The following WWOX variants were observed in gnomAD, a reference collection of about 807,000 sequenced individuals.
The protein encoded by WWOX is WW domain containing oxidoreductase.
WWOX carries 69 observed loss-of-function variants against 46.2 expected under a neutral mutation model. The ratio of observed to expected loss-of-function variants is 1.49; its 90% confidence interval spans 1.23 to 1.82. WWOX has a LOEUF of 1.82. Ranked by LOEUF, WWOX falls within the 40% of genes most tolerant of loss-of-function variation. The pLI, the probability that WWOX is intolerant of heterozygous loss-of-function variation, is 0.00. For synonymous variants in WWOX, 359 were observed against 202.6 expected (o/e 1.77, Z -6.56); for missense variants, 919 against 542.6 (o/e 1.69, Z -6.89).
intron 8 of WWOX, among the ~76,000 whole-genome samples, chr16:78,748,715 C>G (rs960644093): frequency 1.2e-4 from 18 of 152,150 alleles, no homozygotes; most frequent in African/African-American, 4.1e-4. Context: ...CAAAGGGTTC[C>G]CTCATTCCCT....
intron 8 of WWOX, among the ~76,000 whole-genome samples, chr16:79,013,258 C>T (rs1384861471): frequency 2.6e-5 from 4 of 152,174 alleles, no homozygotes; most frequent in East Asian, 1.9e-4. Context: ...GAGTGAATGC[C>T]TTGCCTTTAA....
chr16:78,321,414 A>C (rs535554715), intron 5 of WWOX, among the ~76,000 whole-genome samples: 1 of 134,190 alleles, frequency 7.5e-6, no homozygotes, highest in African/African-American at 2.9e-5. Flanking sequence ...GTATATATAT[A>C]TGTGTGTATA....
chr16:78,799,905 C>G (rs1473092718), intron 8 of WWOX, among the ~76,000 whole-genome samples: 1 of 152,152 alleles, frequency 6.6e-6, no homozygotes, highest in Non-Finnish European at 1.5e-5. Context: ...ATGTGAATGA[C>G]TACTTTTCCC....
intron 5 of WWOX, among the ~76,000 whole-genome samples, chr16:78,340,022 G>T (rs868194054): frequency 0.031 from 1,482 of 48,170 alleles, 584 homozygotes; most frequent in South Asian, 0.066. Flanking sequence ...TTTGGTGGGG[G>T]GGGGGGGGAC....
chr16:78,250,375 G>GT (rs2037952141), intron 5 of WWOX, among the ~76,000 whole-genome samples: 1 of 151,990 alleles, frequency 6.6e-6, no homozygotes, highest in African/African-American at 2.4e-5. Flanking sequence ...ATCTGCCTTT[G>GT]TTTTTTCCTC....
intron 8 of WWOX, among the ~76,000 whole-genome samples, chr16:78,953,353 G>A (rs1473114582): frequency 6.6e-6 from 1 of 152,050 alleles, no homozygotes; most frequent in African/African-American, 2.4e-5. Flanking sequence ...CTTTTTAAGG[G>A]CTTTGCACAC....
intron 8 of WWOX, among the ~76,000 whole-genome samples, chr16:78,952,945 G>C (rs1209579994): frequency 1.3e-5 from 2 of 152,098 alleles, no homozygotes; most frequent in Non-Finnish European, 2.9e-5. Context: ...AGATGGATGG[G>C]CCAGCAAAGG....
At chr16:79,162,271 G>T (rs1391702582) in intron 8 of WWOX, among the ~76,000 whole-genome samples, 3 of 152,204 alleles carry the variant, frequency 2.0e-5, no homozygotes, top group African/African-American at 7.2e-5. Flanking sequence ...GTCTGCCTCT[G>T]TGACAGATTC....
At chr16:78,458,991 G>C (rs559162411) in intron 8 of WWOX, among the ~76,000 whole-genome samples, 5 of 152,136 alleles carry the variant, frequency 3.3e-5, no homozygotes, top group Non-Finnish European at 5.9e-5. Flanking sequence ...GTTGTCCCAG[G>C]CTAGTTGGTC....
chr16:78,705,354 A>G (rs1228703468), intron 8 of WWOX, among the ~76,000 whole-genome samples: 1 of 152,204 alleles, frequency 6.6e-6, no homozygotes, highest in East Asian at 1.9e-4. Flanking sequence ...AACAACACAA[A>G]ACAACACATA....
chr16:78,584,873 A>G (rs1365659929), intron 8 of WWOX, among the ~76,000 whole-genome samples: 1 of 152,206 alleles, frequency 6.6e-6, no homozygotes, highest in African/African-American at 2.4e-5. Flanking sequence ...TGTAAGCAAT[A>G]TCTCAAAACA....
At chr16:78,824,154 A>G (rs2051583694) in intron 8 of WWOX, among the ~76,000 whole-genome samples, 1 of 152,148 alleles carries the variant, frequency 6.6e-6, no homozygotes, top group South Asian at 2.1e-4. Context: ...TTTGATTTTA[A>G]ACGATCTTTA....
chr16:78,978,219 C>T (rs2046611582), intron 8 of WWOX, among the ~76,000 whole-genome samples: 2 of 152,200 alleles, frequency 1.3e-5, no homozygotes, highest in Non-Finnish European at 1.5e-5. Flanking sequence ...ATTGATACCA[C>T]AGTTGGTTGA....
chr16:79,032,175 G>A (rs887769775), intron 8 of WWOX, among the ~76,000 whole-genome samples: 6 of 144,678 alleles, frequency 4.1e-5, no homozygotes, highest in African/African-American at 1.5e-4. Flanking sequence ...GTTTTCCTTT[G>A]TCATTGCCCC....
chr16:78,758,888 C>CT (rs969367578), intron 8 of WWOX, among the ~76,000 whole-genome samples: 1 of 150,490 alleles, frequency 6.6e-6, no homozygotes, highest in African/African-American at 2.4e-5. Flanking sequence ...AGAGAATCTT[C>CT]TTCCCAAGCC....
At chr16:78,316,379 C>A (rs868694694) in intron 5 of WWOX, among the ~76,000 whole-genome samples, 6 of 152,124 alleles carry the variant, frequency 3.9e-5, no homozygotes, top group African/African-American at 1.4e-4. Flanking sequence ...TTGCTCTTGT[C>A]ACCTGGGCTG....
intron 8 of WWOX, among the ~76,000 whole-genome samples, chr16:78,580,455 GGAGCTGAGTCTTTCATCAAAAACAA>G (rs1250437619): frequency 6.6e-6 from 1 of 152,188 alleles, no homozygotes; most frequent in Non-Finnish European, 1.5e-5. Flanking sequence ...ACCTTGTTGT[GGAGCTGAGTCTTTCATCAAAAACAA>G]GGACTCCTGG....
chr16:78,923,581 G>C (rs2045429028), intron 8 of WWOX, among the ~76,000 whole-genome samples: 1 of 151,972 alleles, frequency 6.6e-6, no homozygotes, highest in Non-Finnish European at 1.5e-5. Context: ...TAGTGTGTTA[G>C]CAGCTTTTTC....
chr16:78,211,210 C>T (rs760510285), intron 5 of WWOX, among the ~76,000 whole-genome samples: 1 of 152,238 alleles, frequency 6.6e-6, no homozygotes, highest in Non-Finnish European at 1.5e-5. Context: ...CAATTTCCCA[C>T]GAGTCTAGGG....
Sources: gnomAD v4.1 joint callset for allele counts (sites outside exome capture counted in the v4.1 genomes callset) on GRCh38, gnomAD v4.1.1 for gene constraint, MANE v1.5 for transcripts, NCBI Gene and HGNC (gene_info 2026-07-23, HGNC 2026-07-21) for gene names.